PRKAG2: variants seen among roughly 807,000 people sequenced by gnomAD.
PRKAG2 encodes 5'-AMP-activated protein kinase subunit gamma-2.
PRKAG2 carries 26 observed loss-of-function variants against 69.6 expected under a neutral mutation model. The ratio of observed to expected loss-of-function variants is 0.37; its 90% CI spans 0.27 to 0.52. The LOEUF (loss-of-function observed/expected upper bound fraction) is 0.52, where lower values mean the gene tolerates loss of function less well. PRKAG2 is among the 20% of genes least tolerant of loss of function. The pLI is 0.90. For missense variants in PRKAG2, 557 were observed against 740.0 expected, an observed-to-expected ratio of 0.75 and a Z score of 2.87; for synonymous variants, 293 against 285.0, an observed-to-expected ratio of 1.03 and a Z score of -0.28.
chr7:151,800,432 G>C (rs2077780412), intron 1 of PRKAG2, among the ~76,000 whole-genome samples: 1 of 151,374 alleles, frequency 6.6e-6, no homozygotes. Context: ...GAGGTGTCTA[G>C]ACTCAACCCC....
At chr7:151,822,837 C>T (rs1343107408) in intron 1 of PRKAG2, among the ~76,000 whole-genome samples, 1 of 149,372 alleles carries the variant, frequency 6.7e-6, no homozygotes, top group African/African-American at 2.4e-5. Context: ...CACTCCCTCC[C>T]TCCCCACAAA....
Position 151,761,878 on chromosome 7 carries a change from ACAGT to A in PRKAG2, c.466+19270_466+19273del, listed in dbSNP as rs2075432909. On this transcript the variant is annotated intron_variant, in intron 3 of 15. Coordinates refer to ENST00000287878, the MANE Select transcript of PRKAG2 (RefSeq NM_016203.4). ...GCCCTAGAAACCATGTCCCCAGACC[ACAGT>A]CAAAGGAAGAAAAGGAAATTTATCC... Among the ~76,000 whole-genome samples, 3 of 152,336 alleles carry A rather than the reference ACAGT, an allele frequency of 2.0e-5. No individual in the cohort carries two copies. In the South Asian group the frequency reaches 6.2e-4, roughly 32 times the overall value.
chr7:151,590,625 G>A lies in PRKAG2; in HGVS notation c.864+4720C>T, dbSNP rs553475518. Among the ~76,000 whole-genome samples the A allele has an allele frequency of 1.2e-4, 18 of 152,322 alleles. No homozygotes were observed. In the South Asian group the frequency reaches 1.4e-3, roughly 12 times the overall value. ...GGCTTTCCTAGGGCAGACGCCTAGCGTGGGCCTCTCACCCTCCCACCCTTG... is the reference window on the plus strand; with the variant it reads ...GGCTTTCCTAGGGCAGACGCCTAGCATGGGCCTCTCACCCTCCCACCCTTG... On this transcript the variant is annotated intron_variant, in intron 6 of 15. Coordinates refer to ENST00000287878, the MANE Select transcript of PRKAG2 (RefSeq NM_016203.4).
chr7:151,675,395 C>G, intron 4 of PRKAG2, 25 bp downstream of exon 4: 2 of 1,605,950 alleles, frequency 1.2e-6, no homozygotes, highest in Middle Eastern at 1.7e-4. Context: ...CCGGCAGCCC[C>G]ACCCACAGAA....
intron 3 of PRKAG2, among the ~76,000 whole-genome samples, chr7:151,740,664 G>A (rs978124378): frequency 7.2e-5 from 11 of 152,332 alleles, no homozygotes; most frequent in African/African-American, 2.6e-4. Flanking sequence ...GATAAACAAT[G>A]CTAACTGCAT....
intron 4 of PRKAG2, among the ~76,000 whole-genome samples, chr7:151,666,448 C>G (rs963184691): frequency 6.6e-6 from 1 of 152,216 alleles, no homozygotes; most frequent in South Asian, 2.1e-4. Context: ...AGAACCGTGA[C>G]ACATCAACTT....
At chr7:151,601,114 C>T (rs557253337) in intron 5 of PRKAG2, among the ~76,000 whole-genome samples, 2 of 152,204 alleles carry the variant, frequency 1.3e-5, no homozygotes, top group South Asian at 4.2e-4. Context: ...TGTCCTGGGC[C>T]CTGTCCTGGG....
At chr7:151,696,500 C>A (rs895159336) in intron 3 of PRKAG2, among the ~76,000 whole-genome samples, 1 of 152,066 alleles carries the variant, frequency 6.6e-6, no homozygotes, top group Admixed American at 6.5e-5. Context: ...CCAGGCCTGC[C>A]GGCGCCTCAG....
intron 1 of PRKAG2, among the ~76,000 whole-genome samples, chr7:151,820,341 T>C (rs12703160): frequency 0.15 from 11,404 of 78,450 alleles, 2,427 homozygotes; most frequent in African/African-American, 0.2. Flanking sequence ...CGATTACTCC[T>C]CCACACCCAC....
At chr7:151,820,075 C>T (rs369050689) in intron 1 of PRKAG2, among the ~76,000 whole-genome samples, 9 of 152,340 alleles carry the variant, frequency 5.9e-5, no homozygotes, top group East Asian at 3.9e-4. Context: ...ACTGGAAAAC[C>T]GGCTGAGACT....
intron 1 of PRKAG2, among the ~76,000 whole-genome samples, chr7:151,825,276 C>A (rs991436163): frequency 6.6e-6 from 1 of 152,118 alleles, no homozygotes; most frequent in African/African-American, 2.4e-5. Flanking sequence ...GAATCAAATT[C>A]GAATTAAAGG....
chr7:151,712,941 A>G (rs1162100653), intron 3 of PRKAG2, among the ~76,000 whole-genome samples: 1 of 152,222 alleles, frequency 6.6e-6, no homozygotes, highest in Non-Finnish European at 1.5e-5. Flanking sequence ...CAGCATGCAA[A>G]GCAAAGACAG....
intron 1 of PRKAG2, among the ~76,000 whole-genome samples, chr7:151,796,327 C>G (rs1280158410): frequency 6.6e-6 from 1 of 152,188 alleles, no homozygotes; most frequent in Non-Finnish European, 1.5e-5. Flanking sequence ...GAGACACCCA[C>G]AGGCCCCAGC....
At chr7:151,744,596 C>A (rs1019529953) in intron 3 of PRKAG2, among the ~76,000 whole-genome samples, 2 of 152,234 alleles carry the variant, frequency 1.3e-5, no homozygotes, top group African/African-American at 4.8e-5. Flanking sequence ...CTTTCCGTCT[C>A]ATCAAAGCCA....
chr7:151,735,807 A>G (rs1390064694), intron 3 of PRKAG2: 2 of 1,463,462 alleles, frequency 1.4e-6, no homozygotes, highest in African/African-American at 1.4e-5. Context: ...GAGTGGCTGG[A>G]AACAGCTACT....
At chr7:151,686,203 G>A (rs189484398) in intron 3 of PRKAG2, among the ~76,000 whole-genome samples, 17 of 152,310 alleles carry the variant, frequency 1.1e-4, no homozygotes, top group Non-Finnish European at 4.4e-5. Context: ...GACCGATGGG[G>A]CCAGGAGGAG....
chr7:151,633,112 G>T (rs1825090924), intron 4 of PRKAG2: 1 of 152,210 alleles, frequency 6.6e-6, no homozygotes, highest in Non-Finnish European at 1.5e-5. Context: ...GATTAGGGCT[G>T]AAAGGAGCTT....
chr7:151,615,181 C>G (rs1035371926), intron 5 of PRKAG2, among the ~76,000 whole-genome samples: 5 of 152,214 alleles, frequency 3.3e-5, no homozygotes, highest in African/African-American at 9.6e-5. Context: ...TCCAGCTCCA[C>G]CCATGTTCCT....
chr7:151,737,513 G>A (rs562584197), intron 3 of PRKAG2, among the ~76,000 whole-genome samples: 29 of 152,286 alleles, frequency 1.9e-4, no homozygotes, highest in African/African-American at 6.7e-4. Flanking sequence ...CCACTAGGGT[G>A]GGATAACCTC....
Sources: gnomAD v4.1 joint callset for allele counts (sites outside exome capture counted in the v4.1 genomes callset) on GRCh38, gnomAD v4.1.1 for gene constraint, MANE v1.5 for transcripts, NCBI Gene and HGNC (gene_info 2026-07-23, HGNC 2026-07-21) for gene names.